MYH4: variants seen among roughly 807,000 people sequenced by gnomAD.
MYH4 encodes the protein myosin-4.
MYH4 carries 200 observed loss-of-function variants against 229.9 expected under a neutral mutation model. That is an observed-to-expected ratio of 0.87 (90% CI 0.78 to 0.98). The LOEUF is 0.98. Ranked by LOEUF, MYH4 falls within the 50% of genes least tolerant of loss-of-function variation. The pLI, the probability that MYH4 is intolerant of heterozygous loss-of-function variation, is 0.00. For synonymous variants in MYH4, 761 were observed against 834.6 expected, an observed-to-expected ratio of 0.91 and a Z score of 1.52; for missense variants, 2,148 against 2,332.6, an observed-to-expected ratio of 0.92 and a Z score of 1.63.
Position 10,455,483 on chromosome 17 carries a change from C to T in MYH4, c.2174+131G>A, listed in dbSNP as rs1205170852. ...AAACTTATGATAATATAAACCTAAGCTTCTTTCTTTTATGATCAATTTTCA... is the reference window on the plus strand; with the variant it reads ...AAACTTATGATAATATAAACCTAAGTTTCTTTCTTTTATGATCAATTTTCA... On this transcript the variant is annotated intron_variant, in intron 19 of 39. Coordinates refer to ENST00000255381, the MANE Select transcript of MYH4 (RefSeq NM_017533.2). 5 of 1,368,934 alleles carry T rather than the reference C, an allele frequency of 3.7e-6. No homozygotes were observed. In the East Asian group the frequency reaches 1.2e-4, roughly 32 times the overall value. The allele number at this position is 1,368,934 out of a possible 1,614,324, so 84.8% of individuals were successfully genotyped here. A position where few individuals can be genotyped will look rare whatever the true frequency, so the allele number is the denominator to read the frequency against.
intron 30 of MYH4, 66 bp downstream of exon 30, chr17:10,450,387 C>G: frequency 6.2e-7 from 1 of 1,610,882 alleles, no homozygotes; most frequent in East Asian, 2.2e-5. Context: ...TATTCTCTTT[C>G]TTCTATTTTT....
chr17:10,449,728 C>T (rs1007298003), intron 30 of MYH4, among the ~76,000 whole-genome samples: 2 of 152,140 alleles, frequency 1.3e-5, no homozygotes, highest in African/African-American at 4.8e-5. Flanking sequence ...TATTGCATTT[C>T]CCAAATTTCC....
In MYH4 at chr17:10,466,569, C is replaced by G; in HGVS notation, c.177G>C (p.Lys59Asn). Residue 59 changes from lysine to asparagine, a missense_variant, in exon 3 of 40, where the codon AAG becomes AAC. Coordinates refer to ENST00000255381, the MANE Select transcript of MYH4 (RefSeq NM_017533.2). Reference sequence around the variant, plus strand: ...CTCCAGCTTCGGTCTTGGCTGTCACCTTCCCCCCTTCCCTGCTCTGCACTA... The same window carrying G: ...CTCCAGCTTCGGTCTTGGCTGTCACGTTCCCCCCTTCCCTGCTCTGCACTA... Reference protein sequence around the residue: ...KAIVQSREGGKVTAKTEAGAT... With the variant: ...KAIVQSREGGNVTAKTEAGAT... 1 of 1,613,888 alleles carries G rather than the reference C, an allele frequency of 6.2e-7. No individual in the cohort carries two copies. The highest frequency in any genetic ancestry group is 8.5e-7 in the Non-Finnish European group (1 of 1,180,034).
chr17:10,462,936 A>C lies in MYH4; in HGVS notation c.937T>G (p.Phe313Val). ...ATTTCCCCTTGGCTGACAAATGCGAAGTCATATGGGTTGGTGGTGATCAGA... is the reference window on the plus strand; with the variant it reads ...ATTTCCCCTTGGCTGACAAATGCGACGTCATATGGGTTGGTGGTGATCAGA... ...MLLITTNPYD[F>V]AFVSQGEITV... Residue 313 changes from phenylalanine (F) to valine (V), a missense_variant, in exon 11 of 40, where the codon TTC becomes GTC. Transcript: ENST00000255381. 4.3e-6 allele frequency: 7 copies of C among 1,614,120 alleles called. No individual in the cohort carries two copies. The highest frequency in any genetic ancestry group is 5.9e-6 in the Non-Finnish European group (7 of 1,179,972).
At position 10,458,596 on chromosome 17, in the gene MYH4, A is replaced by G. The variant is rs187555354; in HGVS notation, c.1587+655T>C. Among the ~76,000 whole-genome samples the G allele has an allele frequency of 8.5e-5, 13 of 152,332 alleles. 1 individual carries two copies. The highest frequency in any genetic ancestry group is 2.6e-4 in the African/African-American group (11 of 41,580). On this transcript the variant is annotated intron_variant, in intron 15 of 39. Transcript: ENST00000255381. ...CCACTGCTTAGGGTAGGGTTCACACATACACTTTATTGATATCAATAAGTA... is the reference window on the plus strand; with the variant it reads ...CCACTGCTTAGGGTAGGGTTCACACGTACACTTTATTGATATCAATAAGTA...
intron 30 of MYH4, 72 bp downstream of exon 30, chr17:10,450,381 C>A: frequency 6.2e-7 from 1 of 1,609,434 alleles, no homozygotes; most frequent in Non-Finnish European, 8.5e-7. Context: ...CCGGAATATT[C>A]TCTTTCTTCT....
In MYH4 at chr17:10,453,272, G is replaced by A; in HGVS notation, c.2991C>T (p.Thr997=). 1 of 1,613,956 alleles carries A rather than the reference G, an allele frequency of 6.2e-7. No individual in the cohort carries two copies. Among genetic ancestry groups the A allele is most frequent in the Non-Finnish European group, 8.5e-7 (1 of 1,179,996 alleles). The change falls in exon 24 of 40, where the codon ACC becomes ACT. Residue 997 remains threonine, a synonymous_variant. Transcript: ENST00000255381. ...CCTCCTGGAGAGCCTTCTTCTCCTTGGTCAGCTTAGCAATGGTTTCATCCA... is the reference window on the plus strand; with the variant it reads ...CCTCCTGGAGAGCCTTCTTCTCCTTAGTCAGCTTAGCAATGGTTTCATCCA... The part of the protein sequence containing the change: ...AGLDETIAKL[T]KEKKALQEAH...
Position 10,456,554 on chromosome 17 carries a change from C to T in MYH4, c.1899G>A (p.Glu633=). 3 of 1,613,668 alleles carry T rather than the reference C, an allele frequency of 1.9e-6. No homozygotes were observed. Among genetic ancestry groups the T allele is most frequent in the Non-Finnish European group, 2.5e-6 (3 of 1,179,700 alleles). ...LFSGAQTAEA[E]GGGGKKGGKK... ...TGCCACCTTTCTTTCCACCACCACCCTCTAAAAAACAAAATGGGAAAAATA... is the reference window on the plus strand; with the variant it reads ...TGCCACCTTTCTTTCCACCACCACCTTCTAAAAAACAAAATGGGAAAAATA... The change falls in exon 17 of 40, where the codon GAG becomes GAA. Residue 633 remains glutamate (E), a splice_region_variant and synonymous_variant. Coordinates refer to ENST00000255381, the MANE Select transcript of MYH4 (RefSeq NM_017533.2).
chr17:10,453,197 G>A lies in MYH4; in HGVS notation c.3066C>T (p.Asn1022=), dbSNP rs1597418161. ...GCTTGGTTTTAGCTTTGGTCAGGGT[G>A]TTGACTTTGTCCTCCTCCATCTGCA... The part of the protein sequence containing the change: ...DDLQMEEDKV[N]TLTKAKTKLE... Residue 1022 remains asparagine (N), a synonymous_variant, in exon 24 of 40, where the codon AAC becomes AAT. Coordinates refer to ENST00000255381, the MANE Select transcript of MYH4 (RefSeq NM_017533.2). 2 of 1,614,068 alleles carry A rather than the reference G, an allele frequency of 1.2e-6. No homozygotes were observed. Among genetic ancestry groups the A allele is most frequent in the Non-Finnish European group, 1.7e-6 (2 of 1,180,026 alleles).
chr17:10,447,641 T>C (rs557062942), intron 34 of MYH4, among the ~76,000 whole-genome samples, 177 bp downstream of exon 34: 7 of 152,340 alleles, frequency 4.6e-5, no homozygotes, highest in Admixed American at 3.9e-4. Context: ...GCAAACTCTG[T>C]CCTGGGCCTT....
At position 10,460,255 on chromosome 17, in the gene MYH4, G is replaced by A; in HGVS notation, c.1214C>T (p.Pro405Leu). ...GAACTCATTGCCGACCTTGACTCTG[G>A]GATAGCAGAGAGATTTGAGCAGGTC... Reference protein sequence around the residue: ...SADLLKSLCYPRVKVGNEFVT... With the variant: ...SADLLKSLCYLRVKVGNEFVT... Residue 405 changes from proline (P) to leucine (L), a missense_variant, in exon 13 of 40, where the codon CCC becomes CTC. Transcript: ENST00000255381. 2 of 1,614,042 alleles carry A rather than the reference G, an allele frequency of 1.2e-6. No individual in the cohort carries two copies. Among genetic ancestry groups the A allele is most frequent in the Non-Finnish European group, 1.7e-6 (2 of 1,179,938 alleles).
rs200557847 is a variant in MYH4, at chr17:10,452,815, T to G, written c.3229A>C (p.Lys1077Gln). 3.9e-5 allele frequency: 63 copies of G among 1,606,776 alleles called. 1 individual carries two copies. In the African/African-American group the frequency reaches 7.9e-4, roughly 20 times the overall value. The change falls in exon 25 of 40, where the codon AAA becomes CAA. Residue 1077 changes from lysine to glutamine, a missense_variant. Transcript: ENST00000255381. ...QESTMDTEND[K>Q]QQLNEKLKKK... ...TTGAGTTTCTCATTAAGTTGCTGTT[T>G]GTCATTTTCTGTATCCATTGTGGAT...
intron 7 of MYH4, 63 bp from the exon 8 acceptor site, chr17:10,463,706 T>A: frequency 1.5e-6 from 2 of 1,308,076 alleles, no homozygotes; most frequent in Middle Eastern, 1.9e-4. Context: ...CCCATTGACC[T>A]CTTTCCCTTC....
At chr17:10,444,398 T>C (rs549452668) in intron 39 of MYH4, among the ~76,000 whole-genome samples, 1 of 152,124 alleles carries the variant, frequency 6.6e-6, no homozygotes, top group Non-Finnish European at 1.5e-5. Flanking sequence ...GTCTGGAAAA[T>C]TGCTTAAAGA....
rs141583135 is a variant in MYH4, at chr17:10,461,056, T to G, written c.1009-2A>C. On this transcript the variant is annotated splice_acceptor_variant, in intron 11 of 39. Coordinates refer to ENST00000255381, the MANE Select transcript of MYH4 (RefSeq NM_017533.2). LOFTEE classifies it high-confidence loss of function. ...GAAACCCAGGATGTCCACAGCACTC[T>G]GTCAAAAGAGTTGAATTTGCTCATC... is the stretch of plus-strand genomic sequence containing the variant. 1,208 of 1,613,902 alleles carry G rather than the reference T, an allele frequency of 7.5e-4. No homozygotes were observed. Among genetic ancestry groups the G allele is most frequent in the Non-Finnish European group, 9.8e-4 (1,157 of 1,179,920 alleles).
chr17:10,444,708 G>C lies in MYH4; in HGVS notation c.5572-9C>G. ...TTGCGGTCCTCCTCAGTCTGAAAGA[G>C]GTGCAAGTAGATGGTGCCATTATTT... On this transcript the variant is annotated splice_polypyrimidine_tract_variant and intron_variant, in intron 38 of 39. Coordinates refer to ENST00000255381, the MANE Select transcript of MYH4 (RefSeq NM_017533.2). The C allele has an allele frequency of 6.8e-6, 11 of 1,613,302 alleles. No homozygotes were observed. Among genetic ancestry groups the C allele is most frequent in the Non-Finnish European group, 9.3e-6 (11 of 1,179,494 alleles).
In MYH4 at chr17:10,459,346, C is replaced by T. The variant is rs143641715; in HGVS notation, c.1492G>A (p.Val498Met). ...TTCTTGTACTCTTCCTGCTCCAGCA[C>T]GAACATGTGGTGGTTGAAAAACTGT... ...LQQFFNHHMF[V>M]LEQEEYKKEG... is the part of the protein sequence containing the mutation. The change falls in exon 15 of 40, where the codon GTG (valine) becomes ATG (methionine). Residue 498 changes from valine (V) to methionine (M), a missense_variant. Physicochemically the swap from Val to Met is conservative, Grantham distance 21 (BLOSUM62 1). Transcript: ENST00000255381. 5.5e-5 allele frequency: 89 copies of T among 1,613,968 alleles called. No homozygotes were observed. The highest frequency in any genetic ancestry group is 2.8e-4 in the Admixed American group (17 of 59,998).
At chr17:10,451,126 C>A (rs767921350) in intron 28 of MYH4, among the ~76,000 whole-genome samples, 200 bp downstream of exon 28, 3 of 152,092 alleles carry the variant, frequency 2.0e-5, no homozygotes, top group Non-Finnish European at 4.4e-5. Context: ...ATCTCCTGAG[C>A]CCAGGGAGCT....
intron 27 of MYH4, 128 bp downstream of exon 27, chr17:10,451,813 C>T (rs932040495): frequency 4.7e-5 from 56 of 1,180,026 alleles, no homozygotes; most frequent in Non-Finnish European, 6.6e-5. Flanking sequence ...ATAATGTGTA[C>T]TAGGAGTAAG....
Sources: allele counts gnomAD v4.1 joint callset (sites outside exome capture counted in the v4.1 genomes callset), GRCh38; gene constraint gnomAD v4.1.1; transcripts MANE v1.5; gene names NCBI Gene and HGNC (gene_info 2026-07-23, HGNC 2026-07-21).